Variants in YIPF1 observed in about 807,000 individuals in gnomAD.
The protein encoded by YIPF1 is Yip1 domain family member 1, also known as protein YIPF1.
YIPF1 carries 22 observed loss-of-function variants against 37.0 expected under a neutral mutation model. That is an observed-to-expected ratio of 0.59 (90% CI 0.42 to 0.85). The LOEUF (loss-of-function observed/expected upper bound fraction) is 0.85. Ranked by LOEUF, YIPF1 falls within the 40% of genes least tolerant of loss-of-function variation. The probability of loss-of-function intolerance (pLI) is 0.00; values close to 1 mark genes in which losing one functional copy is unlikely to be tolerated. For missense variants in YIPF1, 355 were observed against 373.1 expected (o/e 0.95, Z 0.40); for synonymous variants, 128 against 131.9 (o/e 0.97, Z 0.21).
intron 9 of YIPF1, among the ~76,000 whole-genome samples, chr1:53,865,072 C>G (rs1264897485): frequency 6.6e-6 from 1 of 152,186 alleles, no homozygotes; most frequent in African/African-American, 2.4e-5. Flanking sequence ...CATATGAACT[C>G]AAACACTACT....
chr1:53,873,313 A>G (rs573537705), intron 6 of YIPF1, among the ~76,000 whole-genome samples: 5 of 152,330 alleles, frequency 3.3e-5, no homozygotes, highest in African/African-American at 1.2e-4. Context: ...TGGGATCTAA[A>G]GAAGAACAGG....
In YIPF1 at chr1:53,888,984, G is replaced by T; in HGVS notation, c.-47C>A. The T allele has an allele frequency of 6.4e-7, 1 of 1,569,624 alleles. No homozygotes were observed. The highest frequency in any genetic ancestry group is 8.8e-7 in the Non-Finnish European group (1 of 1,142,834). The stretch of plus-strand genomic sequence containing the variant: ...AATTATGAGGAAGAAAATTTGCAGG[G>T]TTCTAAAAGAAAAAAATAGGTAAAC... On this transcript the variant is annotated splice_region_variant and 5_prime_UTR_variant, in exon 3 of 11. Coordinates refer to ENST00000072644, the MANE Select transcript of YIPF1 (RefSeq NM_018982.5).
rs745404230 is a variant in YIPF1, at chr1:53,871,481, A to G, written c.372T>C (p.Phe124=). 6.2e-7 allele frequency: 1 copy of G among 1,613,424 alleles called. No individual in the cohort carries two copies. The highest frequency in any genetic ancestry group is 8.5e-7 in the Non-Finnish European group (1 of 1,179,676). Residue 124 remains phenylalanine (F), a synonymous_variant, in exon 7 of 11, where the codon TTT becomes TTC. Coordinates refer to ENST00000072644, the MANE Select transcript of YIPF1 (RefSeq NM_018982.5). ...IRSNPDLYGP[F]WICATLVFAI... is the part of the protein sequence containing the mutation. ...CAAAGACCAACGTGGCACATATCCA[A>G]AAGGGGCCTGCAAAGGAAACCAGAA...
rs190612805 is a variant in YIPF1 at position 53,859,225 on chromosome 1, A to G, written c.*8+831T>C. ...AGCCTAACTGGGGAGACATTGTAGT[A>G]TACAGTGGACAAATGAATGAATAAA... On this transcript the variant is annotated intron_variant, in intron 10 of 10. Coordinates refer to ENST00000072644, the MANE Select transcript of YIPF1 (RefSeq NM_018982.5). Among the ~76,000 whole-genome samples, 538 of 152,338 alleles carry G rather than the reference A, an allele frequency of 3.5e-3. 4 individuals carry two copies. The highest frequency in any genetic ancestry group is 0.012 in the African/African-American group (505 of 41,572).
At chr1:53,886,507 T>C (rs1433014831) in intron 3 of YIPF1, among the ~76,000 whole-genome samples, 2 of 151,806 alleles carry the variant, frequency 1.3e-5, no homozygotes, top group Non-Finnish European at 2.9e-5. Flanking sequence ...GACCTCTACT[T>C]TTTCATCCAA....
Position 53,859,959 on chromosome 1 carries a change from G to A in YIPF1, c.*8+97C>T, listed in dbSNP as rs934788825. 19 of 1,207,510 alleles carry A rather than the reference G, an allele frequency of 1.6e-5. No homozygotes were observed. The African/African-American group carries it at 2.9e-4, about 18-fold the overall frequency. The allele number at this position is 1,207,510 out of a possible 1,614,324, so 74.8% of individuals were successfully genotyped here. On this transcript the variant is annotated intron_variant, in intron 10 of 10. Coordinates refer to ENST00000072644, the MANE Select transcript of YIPF1 (RefSeq NM_018982.5). The stretch of plus-strand genomic sequence containing the variant: ...CTGAACTGTGCAGAAGGATGAAAGG[G>A]TCTGGCCCTCTGTGCTTAAAGCTAA...
chr1:53,863,533 T>C (rs764673866), intron 9 of YIPF1, among the ~76,000 whole-genome samples: 1 of 152,142 alleles, frequency 6.6e-6, no homozygotes, highest in South Asian at 2.1e-4. Flanking sequence ...GAAACCAAGG[T>C]TCTGAGAAGC....
intron 7 of YIPF1, among the ~76,000 whole-genome samples, chr1:53,867,687 T>C (rs1650070341): frequency 6.6e-6 from 1 of 152,232 alleles, no homozygotes; most frequent in Non-Finnish European, 1.5e-5. Flanking sequence ...TTAGCAAATG[T>C]ATTAAAATGC....
At chr1:53,860,029 C>A (rs376875020) in intron 10 of YIPF1, 27 bp downstream of exon 10, 1 of 1,610,656 alleles carries the variant, frequency 6.2e-7, no homozygotes, top group South Asian at 1.1e-5. Flanking sequence ...TGGCACCACA[C>A]AGCAAAATAA....
At chr1:53,863,009 G>C (rs1649923125) in intron 9 of YIPF1, among the ~76,000 whole-genome samples, 1 of 152,128 alleles carries the variant, frequency 6.6e-6, no homozygotes, top group South Asian at 2.1e-4. Flanking sequence ...ACAAAACCCA[G>C]GCATGATGGG....
rs57424528 is a variant in YIPF1 at position 53,867,367 on chromosome 1, C to CTT, written c.482-445_482-444dup. Among the ~76,000 whole-genome samples, 1,042 of 111,464 alleles carry CTT rather than the reference C, an allele frequency of 9.3e-3. 8 individuals carry two copies. Among genetic ancestry groups the CTT allele is most frequent in the African/African-American group, 0.014 (406 of 28,606 alleles). The allele number at this position is 111,464 out of a possible 152,430, so 73.1% of individuals were successfully genotyped here. On this transcript the variant is annotated intron_variant, in intron 7 of 10. Transcript: ENST00000072644. ...TATAACAAGAGCTGACACTGACTTC[C>CTT]TTTTTTTTTTTTTTTTTTTTTTTGA...
At chr1:53,858,824 C>T (rs751235176) in intron 10 of YIPF1, among the ~76,000 whole-genome samples, 3 of 152,090 alleles carry the variant, frequency 2.0e-5, no homozygotes, top group Admixed American at 6.5e-5. Context: ...TTTGTAGAAA[C>T]GGGGTTTTGC....
intron 4 of YIPF1, among the ~76,000 whole-genome samples, chr1:53,882,396 C>T (rs1032171860): frequency 1.3e-5 from 2 of 151,702 alleles, no homozygotes; most frequent in Non-Finnish European, 2.9e-5. Flanking sequence ...AACTGCCTTA[C>T]ATGGTGGTAA....
chr1:53,855,508 A>G (rs1649697220), intron 10 of YIPF1, among the ~76,000 whole-genome samples: 1 of 152,188 alleles, frequency 6.6e-6, no homozygotes, highest in African/African-American at 2.4e-5. Flanking sequence ...GTACAGTCCC[A>G]CACTGCATAA....
At chr1:53,867,064 T>C in intron 7 of YIPF1, 140 bp from the exon 8 acceptor site, 1 of 1,022,358 alleles carries the variant, frequency 9.8e-7, no homozygotes, top group Non-Finnish European at 1.4e-6. Flanking sequence ...TACTGGTCTG[T>C]AATCCCTGAG....
intron 3 of YIPF1, among the ~76,000 whole-genome samples, chr1:53,887,471 A>G (rs1185289407): frequency 1.3e-5 from 2 of 151,960 alleles, no homozygotes; most frequent in Non-Finnish European, 2.9e-5. Context: ...CTCTGGCTGC[A>G]AAGTACAGAC....
intron 4 of YIPF1, among the ~76,000 whole-genome samples, chr1:53,881,870 G>C (rs958283834): frequency 1.3e-5 from 2 of 152,122 alleles, no homozygotes; most frequent in Admixed American, 6.5e-5. Context: ...TATATACCCA[G>C]AGAAATATAA....
At chr1:53,867,367 C>CT (rs57424528) in intron 7 of YIPF1, among the ~76,000 whole-genome samples, 6,866 of 111,534 alleles carry the variant, frequency 0.062, 307 homozygotes, top group African/African-American at 0.075. Context: ...CACTGACTTC[C>CT]TTTTTTTTTT....
Position 53,866,199 on chromosome 1 carries a change from C to T in YIPF1, c.831+1G>A. On this transcript the variant is annotated splice_donor_variant, in intron 9 of 10. Transcript: ENST00000072644. LOFTEE classifies it high-confidence loss of function. ...AAAAGAATATACGACTGAACCCATA[C>T]CAAGCAGCCCACAGAAAGCAGCATA... The T allele has an allele frequency of 6.2e-7, 1 of 1,613,520 alleles. No individual in the cohort carries two copies. The highest frequency in any genetic ancestry group is 1.1e-5 in the South Asian group (1 of 91,016).
Sources: gnomAD v4.1 joint callset for allele counts (sites outside exome capture counted in the v4.1 genomes callset) on GRCh38, gnomAD v4.1.1 for gene constraint, MANE v1.5 for transcripts, NCBI Gene and HGNC (gene_info 2026-07-23, HGNC 2026-07-21) for gene names.